The following CSNK1G1 variants were observed in gnomAD, a reference collection of about 807,000 sequenced individuals.
The protein encoded by CSNK1G1 is casein kinase I isoform gamma-1.
In CSNK1G1, 22 loss-of-function variants were observed where a neutral mutation model predicts 59.6. The ratio of observed to expected loss-of-function variants is 0.37; its 90% CI spans 0.26 to 0.53. The LOEUF (loss-of-function observed/expected upper bound fraction) is 0.53. Ranked by LOEUF, CSNK1G1 falls within the 20% of genes least tolerant of loss-of-function variation. CSNK1G1 has a pLI of 0.89. For synonymous variants in CSNK1G1, 179 were observed against 177.1 expected, an observed-to-expected ratio of 1.01 and a Z score of -0.08; for missense variants, 384 against 519.5, an observed-to-expected ratio of 0.74 and a Z score of 2.54.
intron 4 of CSNK1G1, among the ~76,000 whole-genome samples, chr15:64,246,170 A>T (rs1295837490): frequency 6.6e-6 from 1 of 152,240 alleles, no homozygotes; most frequent in Non-Finnish European, 1.5e-5. Context: ...AATTACACAT[A>T]GATATGCATG....
intron 11 of CSNK1G1, among the ~76,000 whole-genome samples, chr15:64,179,268 A>G (rs2081779736): frequency 6.6e-6 from 1 of 152,142 alleles, no homozygotes; most frequent in African/African-American, 2.4e-5. Flanking sequence ...AATAAAAAAG[A>G]TGGGCAGGAG....
At chr15:64,215,569 AAAAGTC>A (rs1351979183) in intron 5 of CSNK1G1, among the ~76,000 whole-genome samples, 1 of 152,208 alleles carries the variant, frequency 6.6e-6, no homozygotes, top group Non-Finnish European at 1.5e-5. Flanking sequence ...TTTGGGGCTC[AAAAGTC>A]AAAGTCAATT....
At chr15:64,265,713 T>C in intron 2 of CSNK1G1, 1 of 379,876 alleles carries the variant, frequency 2.6e-6, no homozygotes, top group South Asian at 1.9e-5. Context: ...GTGAATGATC[T>C]CTACAAGGGA....
intron 4 of CSNK1G1, among the ~76,000 whole-genome samples, chr15:64,237,136 AG>A (rs1346893880): frequency 1.3e-5 from 2 of 152,164 alleles, no homozygotes; most frequent in African/African-American, 4.8e-5. Context: ...AGGGAGTGGG[AG>A]GGGGAAGGAA....
chr15:64,306,845 C>G (rs557180495), intron 1 of CSNK1G1, among the ~76,000 whole-genome samples: 3 of 152,108 alleles, frequency 2.0e-5, no homozygotes, highest in African/African-American at 7.2e-5. Context: ...CATAGAAGAA[C>G]CTAAAATGCA....
intron 10 of CSNK1G1, chr15:64,181,521 T>C: frequency 8.2e-7 from 1 of 1,221,126 alleles, no homozygotes. Context: ...AGATTGTTTC[T>C]TATAGGTTGA....
chr15:64,343,088 T>G (rs1897758898), intron 1 of CSNK1G1, among the ~76,000 whole-genome samples: 1 of 152,122 alleles, frequency 6.6e-6, no homozygotes. Flanking sequence ...GGCGCATGCC[T>G]GTAATCCCAG....
chr15:64,339,626 C>T (rs1897585794), intron 1 of CSNK1G1, among the ~76,000 whole-genome samples: 1 of 152,140 alleles, frequency 6.6e-6, no homozygotes, highest in Admixed American at 6.6e-5. Flanking sequence ...TTTTAACAAA[C>T]CCTCCAGAAA....
In CSNK1G1 at chr15:64,214,767, T is replaced by C. The variant is rs1245280140; in HGVS notation, c.445-643A>G. Among the ~76,000 whole-genome samples, 1 of 151,838 alleles carries C rather than the reference T, an allele frequency of 6.6e-6. No individual in the cohort carries two copies. Among genetic ancestry groups the C allele is most frequent in the Non-Finnish European group, 1.5e-5 (1 of 67,960 alleles). On this transcript the variant is annotated intron_variant, in intron 5 of 11. Coordinates refer to ENST00000303052, the MANE Select transcript of CSNK1G1 (RefSeq NM_022048.5). The surrounding 1 kb of genome is among the most constrained non-coding windows in gnomAD (Gnocchi z 4.3). ...AATTCTCGTGCCTCAGCCTCCCGGG[T>C]AGCTGGGATTACATGCACATGCCAC... is the stretch of plus-strand genomic sequence containing the variant.
At chr15:64,193,882 C>T (rs1314005814) in intron 10 of CSNK1G1, 1 of 152,242 alleles carries the variant, frequency 6.6e-6, no homozygotes, top group Non-Finnish European at 1.5e-5. Flanking sequence ...CAAGTTTCCT[C>T]CTACAAGGAG....
At chr15:64,267,243 C>A (rs540730488) in intron 2 of CSNK1G1, among the ~76,000 whole-genome samples, 2 of 126,050 alleles carry the variant, frequency 1.6e-5, no homozygotes, top group South Asian at 4.8e-4. Flanking sequence ...GGAGACAAAG[C>A]GAGACCTTAT....
chr15:64,272,386 T>C (rs1347248243), intron 2 of CSNK1G1, among the ~76,000 whole-genome samples: 3 of 152,112 alleles, frequency 2.0e-5, no homozygotes, highest in African/African-American at 7.2e-5. Flanking sequence ...TGGCTAATTT[T>C]TTTGTATTTT....
At chr15:64,246,928 C>A (rs1272325708) in intron 4 of CSNK1G1, among the ~76,000 whole-genome samples, 1 of 152,156 alleles carries the variant, frequency 6.6e-6, no homozygotes, top group Non-Finnish European at 1.5e-5. Context: ...CCCACTTCAG[C>A]TGCATGCTTG....
At chr15:64,265,949 G>T in intron 2 of CSNK1G1, 1 of 405,038 alleles carries the variant, frequency 2.5e-6, no homozygotes, top group South Asian at 1.8e-5. Context: ...CCAGGTGTAG[G>T]GGTAAGTGCC....
At chr15:64,207,741 T>C (rs2082201199) in intron 6 of CSNK1G1, 147 bp from the exon 7 acceptor site, 4 of 624,092 alleles carry the variant, frequency 6.4e-6, no homozygotes, top group African/African-American at 1.8e-5. Context: ...GATAGTATTT[T>C]AGATCAAAAC....
intron 10 of CSNK1G1, among the ~76,000 whole-genome samples, chr15:64,183,346 T>C (rs912833593): frequency 1.3e-5 from 2 of 152,212 alleles, no homozygotes; most frequent in Non-Finnish European, 2.9e-5. Flanking sequence ...GAATGAGACA[T>C]AAACAGAGCC....
At chr15:64,181,221 A>C in intron 10 of CSNK1G1, 5 of 1,535,066 alleles carry the variant, frequency 3.3e-6, no homozygotes, top group Non-Finnish European at 4.4e-6. Context: ...CTGCCATCCC[A>C]GTTCTCACTG....
rs552728846 is a variant in CSNK1G1, at chr15:64,326,135, T to C, written c.-224-25412A>G. On this transcript the variant is annotated intron_variant, in intron 1 of 11. Coordinates refer to ENST00000303052, the MANE Select transcript of CSNK1G1 (RefSeq NM_022048.5). ...GACTTCCCAGGTTTCAAGTGATTCT[T>C]GTGCCTCAGCTTCCTAAGTGGCTGG... 5.3e-5 allele frequency among the ~76,000 whole-genome samples: 8 copies of C among 152,266 alleles called. No homozygotes were observed. The South Asian group carries it at 1.7e-3, about 32-fold the overall frequency.
intron 2 of CSNK1G1, 88 bp downstream of exon 2, chr15:64,300,231 A>G: frequency 7.6e-7 from 1 of 1,321,480 alleles, no homozygotes; most frequent in Non-Finnish European, 1.0e-6. Flanking sequence ...ATTTCTTGTA[A>G]AACTATAAAC....
Sources: allele counts gnomAD v4.1 joint callset (sites outside exome capture counted in the v4.1 genomes callset), GRCh38; gene constraint gnomAD v4.1.1; non-coding constraint Gnocchi (gnomAD v3.1); transcripts MANE v1.5; gene names NCBI Gene and HGNC (gene_info 2026-07-23, HGNC 2026-07-21).